SOX5: variants seen among roughly 807,000 people sequenced by gnomAD.
SOX5 encodes the protein transcription factor SOX-5.
SOX5 carries 9 observed loss-of-function variants against 92.0 expected under a neutral mutation model. The ratio of observed to expected loss-of-function variants is 0.10; its 90% CI spans 0.06 to 0.17. SOX5 has a LOEUF of 0.17. Among genes scored for constraint, SOX5 ranks in the 10% least tolerant of loss-of-function variants. The probability of loss-of-function intolerance (pLI) is 1.00; values close to 1 mark genes in which losing one functional copy is unlikely to be tolerated. For missense variants in SOX5, 642 were observed against 944.5 expected, an observed-to-expected ratio of 0.68 and a Z score of 4.20; for synonymous variants, 344 against 336.3, an observed-to-expected ratio of 1.02 and a Z score of -0.25.
intron 6 of SOX5, among the ~76,000 whole-genome samples, chr12:23,714,504 C>A (rs2092332332): frequency 1.3e-5 from 2 of 152,250 alleles, no homozygotes; most frequent in South Asian, 4.1e-4. Flanking sequence ...CGCCTGTAAT[C>A]CCAGCTATTA....
At chr12:23,721,703 C>G (rs909239156) in intron 6 of SOX5, among the ~76,000 whole-genome samples, 8 of 152,128 alleles carry the variant, frequency 5.3e-5, no homozygotes, top group Admixed American at 2.0e-4. Flanking sequence ...GTAGTCAATT[C>G]TATGGCATGA....
chr12:24,546,602 C>G (rs997379725), intron 1 of SOX5, among the ~76,000 whole-genome samples: 3 of 152,242 alleles, frequency 2.0e-5, no homozygotes, highest in African/African-American at 7.2e-5. Flanking sequence ...CTACCACTCT[C>G]TCAGAGCACC....
At chr12:24,096,197 C>T (rs1359833571) in intron 4 of SOX5, among the ~76,000 whole-genome samples, 1 of 151,920 alleles carries the variant, frequency 6.6e-6, no homozygotes, top group Non-Finnish European at 1.5e-5. Context: ...ATACATGTAC[C>T]GTGGTGGTTT....
chr12:24,246,521 T>C (rs1306419290), intron 3 of SOX5, among the ~76,000 whole-genome samples: 1 of 152,122 alleles, frequency 6.6e-6, no homozygotes, highest in Non-Finnish European at 1.5e-5. Flanking sequence ...TTCTGAAATT[T>C]TGGCTCTTTT....
At chr12:23,907,746 C>CA (rs11359160) in intron 1 of SOX5, among the ~76,000 whole-genome samples, 3,725 of 142,882 alleles carry the variant, frequency 0.026, 167 homozygotes, top group African/African-American at 0.088. Context: ...GGTGCATAAG[C>CA]AAAAAAAAAA....
chr12:23,984,306 T>G (rs556549648), intron 4 of SOX5, among the ~76,000 whole-genome samples: 2 of 152,274 alleles, frequency 1.3e-5, no homozygotes, highest in South Asian at 4.1e-4. Context: ...AAGTTTAGAT[T>G]AAAAGGGCCT....
intron 4 of SOX5, among the ~76,000 whole-genome samples, chr12:24,103,694 G>T (rs1334544546): frequency 6.6e-6 from 1 of 152,074 alleles, no homozygotes; most frequent in Non-Finnish European, 1.5e-5. Context: ...ACCTATGAAA[G>T]AATTGTACAT....
chr12:23,946,461 A>T (rs1944605339), intron 1 of SOX5, among the ~76,000 whole-genome samples: 1 of 152,062 alleles, frequency 6.6e-6, no homozygotes, highest in African/African-American at 2.4e-5. Flanking sequence ...AGAAACTATC[A>T]AAAATGGACA....
chr12:23,725,620 A>G (rs148406639), intron 6 of SOX5, among the ~76,000 whole-genome samples: 5 of 152,198 alleles, frequency 3.3e-5, no homozygotes, highest in Non-Finnish European at 7.4e-5. Flanking sequence ...TCTGAAGATC[A>G]GGAGAGAAAT....
intron 1 of SOX5, among the ~76,000 whole-genome samples, chr12:24,447,899 G>A (rs1021484143): frequency 9.2e-5 from 14 of 152,140 alleles, no homozygotes; most frequent in African/African-American, 3.1e-4. Context: ...TCTTAAGTGT[G>A]GCCGGGCGTG....
intron 2 of SOX5, among the ~76,000 whole-genome samples, chr12:23,894,414 G>C (rs941809396): frequency 6.6e-6 from 1 of 152,196 alleles, no homozygotes; most frequent in African/African-American, 2.4e-5. Flanking sequence ...TTTCAGTAGA[G>C]ATGGGGTTTC....
At chr12:24,138,762 T>G (rs1435882118) in intron 4 of SOX5, among the ~76,000 whole-genome samples, 2 of 152,182 alleles carry the variant, frequency 1.3e-5, no homozygotes, top group African/African-American at 4.8e-5. Context: ...ATAGGTACAC[T>G]TCAGAGACAT....
At chr12:24,073,054 T>C (rs1014605748) in intron 4 of SOX5, among the ~76,000 whole-genome samples, 3 of 152,226 alleles carry the variant, frequency 2.0e-5, no homozygotes, top group Non-Finnish European at 4.4e-5. Context: ...CAAAGATTTT[T>C]TTTCTGACAT....
chr12:24,224,112 A>G (rs559000410), intron 3 of SOX5, among the ~76,000 whole-genome samples: 1 of 152,338 alleles, frequency 6.6e-6, no homozygotes, highest in Non-Finnish European at 1.5e-5. Context: ...ACGAATTACC[A>G]TTAATTTGAG....
chr12:24,060,434 A>T (rs1030314563), intron 4 of SOX5, among the ~76,000 whole-genome samples: 2 of 152,236 alleles, frequency 1.3e-5, no homozygotes, highest in Non-Finnish European at 2.9e-5. Context: ...ATGGGATAAC[A>T]GTCCATATTC....
intron 1 of SOX5, among the ~76,000 whole-genome samples, chr12:24,558,069 A>T (rs116927897): frequency 0.019 from 2,905 of 152,330 alleles, 49 homozygotes; most frequent in Middle Eastern, 0.037. Flanking sequence ...GCTTTCCTTG[A>T]TACCTGTAAT....
intron 1 of SOX5, among the ~76,000 whole-genome samples, chr12:24,532,773 C>G (rs187265401): frequency 2.0e-5 from 3 of 152,330 alleles, no homozygotes; most frequent in Non-Finnish European, 4.4e-5. Context: ...CTCCAAGAAT[C>G]TGTTCCTAAA....
intron 2 of SOX5, among the ~76,000 whole-genome samples, chr12:23,887,481 T>C (rs559696077): frequency 6.6e-6 from 1 of 152,198 alleles, no homozygotes; most frequent in Admixed American, 6.5e-5. Flanking sequence ...CCTTCCTTAA[T>C]GCATGTCTGA....
intron 5 of SOX5, 76 bp from the exon 6 acceptor site, chr12:23,734,828 C>A: frequency 1.7e-6 from 2 of 1,210,904 alleles, no homozygotes; most frequent in South Asian, 1.3e-5. Context: ...TTCTGTTTCT[C>A]AAAGTTTGAT....
Sources: allele counts gnomAD v4.1 joint callset (sites outside exome capture counted in the v4.1 genomes callset), GRCh38; gene constraint gnomAD v4.1.1; transcripts MANE v1.5; gene names NCBI Gene and HGNC (gene_info 2026-07-23, HGNC 2026-07-21).